Variants in ZNF420 observed in about 807,000 individuals in gnomAD.
ZNF420 encodes ATM and p53-associated KZNF protein.
ZNF420 carries 31 observed loss-of-function variants against 44.7 expected under a neutral mutation model. That is an observed-to-expected ratio of 0.69 (90% CI 0.52 to 0.94). The LOEUF is 0.94. Ranked by LOEUF, ZNF420 falls within the 40% of genes least tolerant of loss-of-function variation. The pLI is 0.00. For synonymous variants in ZNF420, 245 were observed against 267.4 expected (o/e 0.92, Z 0.82); for missense variants, 681 against 827.9 (o/e 0.82, Z 2.18).
rs541912898 is a variant in ZNF420, at chr19:37,009,263, C to G, written c.-125+1181C>G. 2.4e-3 allele frequency among the ~76,000 whole-genome samples: 358 copies of G among 152,258 alleles called. 3 individuals are homozygous for G. The highest frequency in any genetic ancestry group is 8.3e-3 in the African/African-American group (344 of 41,566). On this transcript the variant is annotated intron_variant, in intron 1 of 4. Coordinates refer to the ZNF420 transcript ENST00000587029. ...GGAGGTTGCGTTAGGGCTACCTAGG[C>G]GGTGGAGGGATGGAGGTGGAGTGAT...
intron 1 of ZNF420, among the ~76,000 whole-genome samples, chr19:37,063,950 T>C (rs1967922925): frequency 6.6e-6 from 1 of 152,210 alleles, no homozygotes; most frequent in Non-Finnish European, 1.5e-5. Flanking sequence ...AGTTTCTCAG[T>C]CTTGCCCTTT....
intron 4 of ZNF420, among the ~76,000 whole-genome samples, chr19:37,106,364 C>A (rs550646880): frequency 7.2e-5 from 11 of 152,252 alleles, no homozygotes; most frequent in African/African-American, 2.4e-4. Context: ...AGGGATGAAG[C>A]CCACTTGATC....
chr19:37,064,190 C>T (rs1967927226), intron 1 of ZNF420, among the ~76,000 whole-genome samples: 1 of 152,172 alleles, frequency 6.6e-6, no homozygotes, highest in African/African-American at 2.4e-5. Flanking sequence ...CCAGGCTTCT[C>T]TACTGTAAAA....
intron 4 of ZNF420, among the ~76,000 whole-genome samples, chr19:37,117,142 G>A (rs10412236): frequency 0.15 from 23,298 of 151,866 alleles, 1,835 homozygotes; most frequent in Middle Eastern, 0.21. Flanking sequence ...ATCTGAGAAC[G>A]GACAGACTGC....
intron 3 of ZNF420, 62 bp from the exon 4 acceptor site, chr19:37,090,929 AAAAG>A (rs1010475618): frequency 1.6e-5 from 24 of 1,544,378 alleles, no homozygotes; most frequent in East Asian, 4.8e-5. Context: ...CAAAAAAAAA[AAAAG>A]AAAGAAAAAA....
chr19:37,119,790 A>C (rs1440058744), intron 4 of ZNF420, among the ~76,000 whole-genome samples: 3 of 152,106 alleles, frequency 2.0e-5, no homozygotes, highest in Non-Finnish European at 4.4e-5. Context: ...GATAAAGGGG[A>C]TATCACCACC....
intron 1 of ZNF420, among the ~76,000 whole-genome samples, chr19:37,042,970 G>C (rs558619589): frequency 6.6e-6 from 1 of 152,168 alleles, no homozygotes; most frequent in Admixed American, 6.5e-5. Flanking sequence ...CAAGGAGAGA[G>C]AGAGAGAAAT....
chr19:37,063,430 C>A (rs1040476045), intron 1 of ZNF420, among the ~76,000 whole-genome samples: 2 of 152,114 alleles, frequency 1.3e-5, no homozygotes, highest in African/African-American at 4.8e-5. Flanking sequence ...CAGATAAACT[C>A]AAGTCGCAAA....
At chr19:37,106,229 C>T (rs1175088274) in intron 4 of ZNF420, among the ~76,000 whole-genome samples, 2 of 152,116 alleles carry the variant, frequency 1.3e-5, no homozygotes, top group African/African-American at 2.4e-5. Flanking sequence ...GCATGAAGGG[C>T]TGTTGAATTT....
chr19:37,074,521 C>T (rs118077270), upstream of ZNF420, among the ~76,000 whole-genome samples: 937 of 152,216 alleles, frequency 6.2e-3, 28 homozygotes, highest in East Asian at 0.05. Context: ...AAGATAGGCC[C>T]ACCTACTGTA....
chr19:37,113,026 C>T (rs1044055264), intron 4 of ZNF420, among the ~76,000 whole-genome samples: 1 of 152,158 alleles, frequency 6.6e-6, no homozygotes. Context: ...CCCTGAAGCA[C>T]TTGTGACAGT....
chr19:37,090,974 A>T (rs1216290380), intron 3 of ZNF420, 21 bp from the exon 4 acceptor site: 21 of 1,597,000 alleles, frequency 1.3e-5, no homozygotes, highest in Non-Finnish European at 1.8e-5. Context: ...TCCAAAATTA[A>T]CATTTTGTTT....
chr19:37,017,941 A>G (rs2074619480), intron 1 of ZNF420, among the ~76,000 whole-genome samples: 1 of 152,198 alleles, frequency 6.6e-6, no homozygotes, highest in African/African-American at 2.4e-5. Context: ...ACAAAAAACA[A>G]CTAATAAAAT....
chr19:37,095,744 G>T (rs905761062), intron 4 of ZNF420, among the ~76,000 whole-genome samples: 1 of 151,926 alleles, frequency 6.6e-6, no homozygotes, highest in African/African-American at 2.4e-5. Context: ...GATTACAGGC[G>T]CCCGCAGCCA....
rs532501310 is a variant in ZNF420, at chr19:37,085,310, TCA to T, written c.-80-3728_-80-3727del. On this transcript the variant is annotated intron_variant, in intron 2 of 4. Coordinates refer to ENST00000337995, the MANE Select transcript of ZNF420 (RefSeq NM_144689.5). The stretch of plus-strand genomic sequence containing the variant: ...GACCACAGTATATTCTCTGTATAAT[TCA>T]GTTTTTAAAATATTTACTGTTACTT... Among the ~76,000 whole-genome samples, 55 of 152,376 alleles carry T rather than the reference TCA, an allele frequency of 3.6e-4. 1 individual carries two copies. In the South Asian group the frequency reaches 3.7e-3, roughly 10 times the overall value.
chr19:37,096,917 G>A, intron 4 of ZNF420, among the ~76,000 whole-genome samples: 1 of 93,816 alleles, frequency 1.1e-5, no homozygotes, highest in Non-Finnish European at 2.1e-5. Context: ...TTTTTTTTTT[G>A]AGACAGAGTC....
intron 1 of ZNF420, among the ~76,000 whole-genome samples, chr19:37,060,732 G>T (rs181085558): frequency 2.0e-5 from 3 of 152,046 alleles, no homozygotes; most frequent in African/African-American, 7.2e-5. Flanking sequence ...TAGAATGAGC[G>T]GTAGGCGACC....
chr19:37,029,903 A>G (rs1033627568), intron 1 of ZNF420, among the ~76,000 whole-genome samples: 3 of 152,168 alleles, frequency 2.0e-5, no homozygotes, highest in Non-Finnish European at 4.4e-5. Flanking sequence ...AAGAGTTACT[A>G]TAGTGAAGCC....
chr19:37,127,607 C>G lies in ZNF420; in HGVS notation c.616C>G (p.Gln206Glu). The part of the protein sequence containing the change: ...ACKECGKAFT[Q>E]SSQLILHHRI... ...TAAGGAATGTGGGAAGGCCTTTACTCAAAGCTCACAACTTATTTTACATCA... is the reference window on the plus strand; with the variant it reads ...TAAGGAATGTGGGAAGGCCTTTACTGAAAGCTCACAACTTATTTTACATCA... The change falls in exon 5 of 5, where the codon CAA (glutamine) becomes GAA (glutamate). Residue 206 changes from glutamine (Q) to glutamate (E), a missense_variant. Around this residue, in one of 3 missense-constraint regions of ZNF420, gnomAD observed 350 missense variants for 382.5 expected, o/e 0.92. Transcript: ENST00000337995. The G allele has an allele frequency of 6.2e-7, 1 of 1,613,860 alleles. No homozygotes were observed. The highest frequency in any genetic ancestry group is 8.5e-7 in the Non-Finnish European group (1 of 1,179,916).
Sources: gnomAD v4.1 joint callset for allele counts (sites outside exome capture counted in the v4.1 genomes callset) on GRCh38, gnomAD v4.1.1 for gene constraint, gnomAD v4.1.1 regional missense constraint, MANE v1.5 for transcripts, NCBI Gene and HGNC (gene_info 2026-07-23, HGNC 2026-07-21) for gene names.